CLVS1: variants seen among roughly 807,000 people sequenced by gnomAD.
CLVS1 encodes the protein clavesin 1.
In CLVS1, 10 loss-of-function variants were observed where a neutral mutation model predicts 33.1. That is an observed-to-expected ratio of 0.30 (90% CI 0.19 to 0.51). The LOEUF is 0.51. Among genes scored for constraint, CLVS1 ranks in the 20% least tolerant of loss-of-function variants. The probability of loss-of-function intolerance (pLI) is 0.97; values close to 1 mark genes in which losing one functional copy is unlikely to be tolerated. For missense variants in CLVS1, 343 were observed against 433.4 expected (o/e 0.79, Z 1.85); for synonymous variants, 163 against 166.1 (o/e 0.98, Z 0.14).
At chr8:61,330,939 T>A (rs1409952899) in intron 2 of CLVS1, among the ~76,000 whole-genome samples, 2 of 150,270 alleles carry the variant, frequency 1.3e-5, no homozygotes, top group South Asian at 4.2e-4. Context: ...AAAAAAAAAA[T>A]TAGCTAGGCA....
At chr8:61,252,453 T>C (rs1321248779) in intron 2 of CLVS1, among the ~76,000 whole-genome samples, 1 of 152,176 alleles carries the variant, frequency 6.6e-6, no homozygotes, top group Non-Finnish European at 1.5e-5. Context: ...CAGACCTGAG[T>C]TCAAGTCCTG....
At chr8:61,464,881 C>G (rs1817493333) in intron 5 of CLVS1, 1 of 152,258 alleles carries the variant, frequency 6.6e-6, no homozygotes, top group African/African-American at 2.4e-5. Flanking sequence ...CTGTAAGGCA[C>G]CTCACTGATG....
chr8:61,188,020 A>T (rs766825868), intron 2 of CLVS1, among the ~76,000 whole-genome samples: 1 of 152,100 alleles, frequency 6.6e-6, no homozygotes, highest in African/African-American at 2.4e-5. Flanking sequence ...TCCTGAGGTA[A>T]TTCACTGAGA....
At chr8:61,316,379 A>T (rs1258649880) in intron 2 of CLVS1, among the ~76,000 whole-genome samples, 1 of 152,226 alleles carries the variant, frequency 6.6e-6, no homozygotes, top group Admixed American at 6.5e-5. Flanking sequence ...CCCAGCTTCT[A>T]TCAGATTCTT....
At chr8:61,451,988 C>T (rs867207088) in intron 3 of CLVS1, among the ~76,000 whole-genome samples, 3 of 152,300 alleles carry the variant, frequency 2.0e-5, no homozygotes, top group African/African-American at 7.2e-5. Context: ...GGTGCAAGCT[C>T]AGAACTTCTA....
chr8:61,323,385 G>A (rs1446997413), intron 2 of CLVS1, among the ~76,000 whole-genome samples: 2 of 152,178 alleles, frequency 1.3e-5, no homozygotes, highest in East Asian at 1.9e-4. Flanking sequence ...CAAGGGGTAA[G>A]GAAGTCCATT....
At chr8:61,094,371 G>C (rs1329713115) in intron 1 of CLVS1, among the ~76,000 whole-genome samples, 1 of 152,164 alleles carries the variant, frequency 6.6e-6, no homozygotes, top group Non-Finnish European at 1.5e-5. Flanking sequence ...TGATGATGAT[G>C]AAGACCACAG....
At chr8:61,424,575 T>C (rs1815809294) in intron 3 of CLVS1, among the ~76,000 whole-genome samples, 1 of 152,230 alleles carries the variant, frequency 6.6e-6, no homozygotes, top group Admixed American at 6.5e-5. Context: ...AATTTACTGG[T>C]ACACAAATAT....
At chr8:61,362,953 G>A (rs1813048006) in intron 2 of CLVS1, among the ~76,000 whole-genome samples, 1 of 152,184 alleles carries the variant, frequency 6.6e-6, no homozygotes, top group African/African-American at 2.4e-5. Context: ...CTCTGGGAAG[G>A]TTCTATATGA....
rs146084457 is a variant in CLVS1 at position 61,411,785 on chromosome 8, T to C, written c.630+35006T>C. 3.7e-3 allele frequency among the ~76,000 whole-genome samples: 562 copies of C among 152,288 alleles called. 8 individuals carry two copies. The highest frequency in any genetic ancestry group is 0.034 in the Admixed American group (523 of 15,294). On this transcript the variant is annotated intron_variant, in intron 3 of 5. Transcript: ENST00000325897. The stretch of plus-strand genomic sequence containing the variant: ...CTCTTCTCAGTCCCTAGTTCAGGGC[T>C]GTCATGCAGCAGAGATGTCGCCCCA...
Position 61,113,489 on chromosome 8 carries a change from T to C in CLVS1, c.-242-18281T>C, listed in dbSNP as rs946294674. Among the ~76,000 whole-genome samples the C allele has an allele frequency of 5.3e-5, 8 of 152,324 alleles. No individual in the cohort carries two copies. In the South Asian group the frequency reaches 1.0e-3, roughly 20 times the overall value. On this transcript the variant is annotated intron_variant, in intron 1 of 2. Transcript: ENST00000522621. ...AGAGCCATGTGGGAGAAGCCTGCTT[T>C]AGACCTGAACTTGGTAATACATCTG...
chr8:61,237,624 G>A (rs1190720698), intron 2 of CLVS1, among the ~76,000 whole-genome samples: 1 of 152,152 alleles, frequency 6.6e-6, no homozygotes, highest in African/African-American at 2.4e-5. Flanking sequence ...CTCCAAGTTT[G>A]ACAAAAATTC....
intron 5 of CLVS1, among the ~76,000 whole-genome samples, chr8:61,470,792 G>A (rs1264879779): frequency 6.6e-6 from 1 of 152,196 alleles, no homozygotes; most frequent in Admixed American, 6.5e-5. Context: ...TTTAGGTTTA[G>A]GCAAACTTTG....
At chr8:61,379,454 C>T (rs2129601659) in intron 3 of CLVS1, among the ~76,000 whole-genome samples, 1 of 151,920 alleles carries the variant, frequency 6.6e-6, no homozygotes, top group African/African-American at 2.4e-5. Flanking sequence ...GGGCCCCTCC[C>T]AGACAGCCCA....
intron 2 of CLVS1, among the ~76,000 whole-genome samples, chr8:61,207,488 C>G (rs1807880118): frequency 6.6e-6 from 1 of 152,200 alleles, no homozygotes; most frequent in Non-Finnish European, 1.5e-5. Context: ...TTTTCAGACT[C>G]TTTTTATCTT....
intron 2 of CLVS1, among the ~76,000 whole-genome samples, chr8:61,163,466 G>T (rs1360678543): frequency 6.6e-6 from 1 of 152,180 alleles, no homozygotes; most frequent in Non-Finnish European, 1.5e-5. Flanking sequence ...GACTCTATAT[G>T]TAAAAAAACG....
chr8:61,275,659 T>TA (rs1554552627), intron 2 of CLVS1, among the ~76,000 whole-genome samples: 1 of 152,044 alleles, frequency 6.6e-6, no homozygotes, highest in Non-Finnish European at 1.5e-5. Flanking sequence ...TTGAGTTCAA[T>TA]CCCCCCACAG....
Position 61,458,375 on chromosome 8 carries a change from AT to A in CLVS1, c.813del (p.Phe271LeufsTer38). The stretch of plus-strand genomic sequence containing the variant: ...TACACCCTGAATTTTTGCCCTCTGA[AT>A]TTGGAGGAACTCTTCCTCCTTATGA... ...LIHPEFLPSEFGGTLPPYDMG... is the reference protein window; with the variant it reads ...LIHPEFLPSEXGGTLPPYDMG... On this transcript the variant is annotated frameshift_variant, in exon 5 of 6. Transcript: ENST00000325897. LOFTEE classifies it high-confidence loss of function. The A allele has an allele frequency of 6.2e-7, 1 of 1,614,166 alleles. No individual in the cohort carries two copies. Among genetic ancestry groups the A allele is most frequent in the Non-Finnish European group, 8.5e-7 (1 of 1,180,000 alleles).
At chr8:61,496,679 A>C (rs998401900) in intron 5 of CLVS1, among the ~76,000 whole-genome samples, 1 of 152,258 alleles carries the variant, frequency 6.6e-6, no homozygotes, top group Middle Eastern at 3.4e-3. Context: ...AGTAGAAATA[A>C]ATTTTTTTGA....
Sources: allele counts gnomAD v4.1 joint callset (sites outside exome capture counted in the v4.1 genomes callset), GRCh38; gene constraint gnomAD v4.1.1; transcripts MANE v1.5; gene names NCBI Gene and HGNC (gene_info 2026-07-23, HGNC 2026-07-21).